Variants in ITGA9 observed in about 807,000 individuals in gnomAD.
The protein encoded by ITGA9 is integrin alpha-9.
A neutral mutation model predicts 127.8 loss-of-function variants in ITGA9; 56 were observed. The observed-to-expected ratio is 0.44, with a 90% confidence interval of 0.35 to 0.55. The LOEUF (loss-of-function observed/expected upper bound fraction) is 0.55, where lower values mean the gene tolerates loss of function less well. Ranked by LOEUF, ITGA9 falls within the 20% of genes least tolerant of loss-of-function variation. The probability of loss-of-function intolerance (pLI) is 0.00; values close to 1 mark genes in which losing one functional copy is unlikely to be tolerated. For synonymous variants in ITGA9, 508 were observed against 514.5 expected (o/e 0.99, Z 0.17); for missense variants, 1,196 against 1,347.1 (o/e 0.89, Z 1.76).
At chr3:37,542,716 C>G (rs1221957487) in intron 15 of ITGA9, 131 bp downstream of exon 15, 4 of 910,816 alleles carry the variant, frequency 4.4e-6, no homozygotes, top group Non-Finnish European at 7.0e-6. Context: ...AGGAGCATAT[C>G]CATTTCTTCT....
At chr3:37,538,242 C>T (rs765552706) in intron 14 of ITGA9, among the ~76,000 whole-genome samples, 6 of 152,180 alleles carry the variant, frequency 3.9e-5, no homozygotes, top group South Asian at 2.1e-4. Context: ...CTTGTTCTGA[C>T]GGAGAGCAGG....
chr3:37,642,937 CA>C (rs1700346566), intron 16 of ITGA9, among the ~76,000 whole-genome samples: 1 of 152,202 alleles, frequency 6.6e-6, no homozygotes, highest in Admixed American at 6.5e-5. Context: ...CTGAGGTGCC[CA>C]GCTGGCTTAA....
At chr3:37,575,455 C>T (rs1699644963) in intron 15 of ITGA9, among the ~76,000 whole-genome samples, 1 of 152,158 alleles carries the variant, frequency 6.6e-6, no homozygotes, top group African/African-American at 2.4e-5. Flanking sequence ...CTAGCGTTTA[C>T]TGAGTGCTGA....
chr3:37,787,095 C>A (rs1056494064), intron 26 of ITGA9, among the ~76,000 whole-genome samples: 2 of 152,318 alleles, frequency 1.3e-5, no homozygotes, highest in East Asian at 3.9e-4. Context: ...CTAATTCAGA[C>A]CTCCACCTGG....
At chr3:37,614,864 G>A (rs1470629822) in intron 15 of ITGA9, among the ~76,000 whole-genome samples, 1 of 152,082 alleles carries the variant, frequency 6.6e-6, no homozygotes, top group Admixed American at 6.5e-5. Flanking sequence ...GGAGATTTTG[G>A]GCTGAGATGA....
intron 27 of ITGA9, 131 bp from the exon 28 acceptor site, chr3:37,818,760 C>T (rs1021221380): frequency 1.4e-5 from 10 of 718,150 alleles, no homozygotes; most frequent in East Asian, 5.3e-5. Context: ...TTCTCTAATC[C>T]GAGGGGTCCT....
intron 23 of ITGA9, among the ~76,000 whole-genome samples, chr3:37,758,581 T>C (rs1696684173): frequency 6.7e-6 from 1 of 149,936 alleles, no homozygotes; most frequent in South Asian, 2.1e-4. Context: ...TTATTACATT[T>C]CCAGTAAGGA....
chr3:37,721,114 CTTTTTTTTTT>C (rs35254377), intron 18 of ITGA9, among the ~76,000 whole-genome samples: 3 of 93,234 alleles, frequency 3.2e-5, no homozygotes, highest in African/African-American at 4.7e-5. Flanking sequence ...CTTTTCTTGC[CTTTTTTTTTT>C]TTTTTTTTTT....
chr3:37,532,750 A>C (rs1219281498), intron 13 of ITGA9, among the ~76,000 whole-genome samples: 1 of 152,160 alleles, frequency 6.6e-6, no homozygotes. Flanking sequence ...GCCCTGAAGC[A>C]CTTTGCTATT....
chr3:37,523,813 C>G (rs1699067825), intron 12 of ITGA9, among the ~76,000 whole-genome samples: 1 of 152,176 alleles, frequency 6.6e-6, no homozygotes, highest in Non-Finnish European at 1.5e-5. Flanking sequence ...CTGATCTACT[C>G]TGAATGGCTT....
At chr3:37,525,056 G>A (rs1028748775) in intron 12 of ITGA9, among the ~76,000 whole-genome samples, 8 of 152,184 alleles carry the variant, frequency 5.3e-5, no homozygotes, top group African/African-American at 1.9e-4. Context: ...ATTTAGTGAT[G>A]TACAGATTCA....
At chr3:37,782,009 A>G (rs1696980349) in intron 25 of ITGA9, among the ~76,000 whole-genome samples, 1 of 152,172 alleles carries the variant, frequency 6.6e-6, no homozygotes, top group African/African-American at 2.4e-5. Flanking sequence ...CCCTTTATAA[A>G]GGACAGTGTT....
rs768127461 is a variant in ITGA9, at chr3:37,503,279, G to C, written c.714G>C (p.Val238=). 6 of 1,614,104 alleles carry C rather than the reference G, an allele frequency of 3.7e-6. No individual in the cohort carries two copies. The East Asian group carries it at 1.3e-4, about 36-fold the overall frequency. ...DNTYLKLNDE[V]IMNRRYTYLG... is the part of the protein sequence containing the mutation. ...CCTATTTAAAACTGAACGACGAAGT[G>C]ATCATGAACAGGCGGTACACCTACC... Residue 238 remains valine (V), a synonymous_variant, in exon 6 of 28, where the codon GTG becomes GTC. Transcript: ENST00000264741.
chr3:37,691,566 GT>G (rs1700832483), intron 18 of ITGA9, among the ~76,000 whole-genome samples: 2 of 152,176 alleles, frequency 1.3e-5, no homozygotes, highest in Non-Finnish European at 2.9e-5. Context: ...TAATTAAAAT[GT>G]TTTCTGAACA....
intron 15 of ITGA9, among the ~76,000 whole-genome samples, chr3:37,575,713 G>C (rs1180596191): frequency 6.6e-6 from 1 of 152,092 alleles, no homozygotes; most frequent in Non-Finnish European, 1.5e-5. Context: ...AGGTCATCCT[G>C]GTAGAAGGGA....
chr3:37,489,230 T>C (rs1291069031), intron 4 of ITGA9, among the ~76,000 whole-genome samples: 3 of 152,256 alleles, frequency 2.0e-5, no homozygotes, highest in Non-Finnish European at 4.4e-5. Flanking sequence ...TCTATTCATC[T>C]GTTTATAAAA....
At chr3:37,715,909 A>G (rs754923116) in intron 18 of ITGA9, among the ~76,000 whole-genome samples, 1 of 152,212 alleles carries the variant, frequency 6.6e-6, no homozygotes, top group African/African-American at 2.4e-5. Context: ...AAATCCTGAG[A>G]TGAGACATCA....
chr3:37,559,583 C>T (rs928583273), intron 15 of ITGA9, among the ~76,000 whole-genome samples: 1 of 152,176 alleles, frequency 6.6e-6, no homozygotes, highest in African/African-American at 2.4e-5. Flanking sequence ...TGTTTAATAA[C>T]AAAGAGCTGC....
chr3:37,541,799 C>G (rs1290711877), intron 14 of ITGA9, among the ~76,000 whole-genome samples: 1 of 152,212 alleles, frequency 6.6e-6, no homozygotes, highest in Non-Finnish European at 1.5e-5. Context: ...TACCTGAAGG[C>G]AGGAGTTTAT....
Sources: allele counts gnomAD v4.1 joint callset (sites outside exome capture counted in the v4.1 genomes callset), GRCh38; gene constraint gnomAD v4.1.1; transcripts MANE v1.5; gene names NCBI Gene and HGNC (gene_info 2026-07-23, HGNC 2026-07-21).